The following ELOVL5 variants were observed in gnomAD, a reference collection of about 807,000 sequenced individuals.
ELOVL5 encodes very long chain fatty acid elongase 5.
A neutral mutation model predicts 38.6 loss-of-function variants in ELOVL5; 8 were observed. That is an observed-to-expected ratio of 0.21 (90% CI 0.12 to 0.37). The LOEUF is 0.37. Ranked by LOEUF, ELOVL5 falls within the 10% of genes least tolerant of loss-of-function variation. ELOVL5 has a pLI of 1.00. For missense variants in ELOVL5, 280 were observed against 367.8 expected (o/e 0.76, Z 1.95); for synonymous variants, 127 against 133.7 (o/e 0.95, Z 0.34).
chr6:53,285,705 C>G (rs1450501233), intron 3 of ELOVL5, among the ~76,000 whole-genome samples: 1 of 152,180 alleles, frequency 6.6e-6, no homozygotes, highest in African/African-American at 2.4e-5. Context: ...AGCTCCTGGG[C>G]ACAAGCCATC....
intron 3 of ELOVL5, among the ~76,000 whole-genome samples, chr6:53,288,256 G>T (rs144526890): frequency 6.6e-6 from 1 of 152,248 alleles, no homozygotes; most frequent in East Asian, 1.9e-4. Context: ...CAAAAAATCA[G>T]GCTTCTCTTC....
intron 1 of ELOVL5, among the ~76,000 whole-genome samples, chr6:53,340,094 A>G (rs1769264241): frequency 6.6e-6 from 1 of 152,224 alleles, no homozygotes; most frequent in Non-Finnish European, 1.5e-5. Context: ...TAAGGATACG[A>G]AGAAATAAAA....
intron 1 of ELOVL5, among the ~76,000 whole-genome samples, chr6:53,329,468 A>T (rs1333152469): frequency 6.6e-6 from 1 of 152,168 alleles, no homozygotes; most frequent in African/African-American, 2.4e-5. Context: ...TTAATAGCGC[A>T]AATCTTATCT....
intron 1 of ELOVL5, among the ~76,000 whole-genome samples, chr6:53,299,563 T>C (rs1767163130): frequency 6.6e-6 from 1 of 152,132 alleles, no homozygotes; most frequent in African/African-American, 2.4e-5. Flanking sequence ...GAAAAGCAGC[T>C]TGATTAAACA....
chr6:53,286,965 T>TAAAC (rs927954242), intron 3 of ELOVL5, among the ~76,000 whole-genome samples: 45 of 152,316 alleles, frequency 3.0e-4, no homozygotes, highest in African/African-American at 1.0e-3. Flanking sequence ...TTTTCTTATT[T>TAAAC]AAACAAACAA....
intron 7 of ELOVL5, 151 bp from the exon 8 acceptor site, chr6:53,269,421 T>G: frequency 1.2e-5 from 6 of 512,634 alleles, no homozygotes; most frequent in African/African-American, 2.0e-5. Context: ...ATTGACTAAA[T>G]CTTTTGTCAC....
At chr6:53,297,015 A>G (rs34659229) in intron 1 of ELOVL5, among the ~76,000 whole-genome samples, 2 of 152,228 alleles carry the variant, frequency 1.3e-5, no homozygotes, top group Non-Finnish European at 2.9e-5. Flanking sequence ...GATGGGACGT[A>G]GAGATAGGAG....
intron 1 of ELOVL5, among the ~76,000 whole-genome samples, chr6:53,323,736 C>T (rs780029806): frequency 2.2e-4 from 34 of 152,038 alleles, no homozygotes; most frequent in Non-Finnish European, 4.7e-4. Context: ...GTGCCCATCA[C>T]CACACCTGGT....
intron 1 of ELOVL5, among the ~76,000 whole-genome samples, chr6:53,319,747 T>C (rs1768220899): frequency 6.6e-6 from 1 of 152,238 alleles, no homozygotes; most frequent in African/African-American, 2.4e-5. Context: ...CACTGCACTG[T>C]GCTGGTTCGG....
intron 3 of ELOVL5, among the ~76,000 whole-genome samples, chr6:53,291,192 T>A (rs13206121): frequency 0.06 from 9,156 of 152,292 alleles, 320 homozygotes; most frequent in Middle Eastern, 0.12. Context: ...AAATGTGATT[T>A]TCAACATTGC....
rs566175883 is a variant in ELOVL5, at chr6:53,325,502, G to C, written c.-9+23315C>G. 2.0e-5 allele frequency among the ~76,000 whole-genome samples: 3 copies of C among 152,336 alleles called. No individual in the cohort carries two copies. In the East Asian group the frequency reaches 5.8e-4, roughly 29 times the overall value. On this transcript the variant is annotated intron_variant, in intron 1 of 7. Transcript: ENST00000304434. ...ACTCTTCTGGATGCAGTGAGCCTGA[G>C]AGAGTTTCTGAATGACCGAAGCAAC...
intron 2 of ELOVL5, chr6:53,294,338 G>C: frequency 6.3e-7 from 1 of 1,576,534 alleles, no homozygotes; most frequent in South Asian, 1.2e-5. Context: ...GATGACAGCT[G>C]GCAAAGAGCT....
chr6:53,296,583 A>T (rs1435168937), intron 1 of ELOVL5, among the ~76,000 whole-genome samples: 5 of 152,152 alleles, frequency 3.3e-5, no homozygotes, highest in African/African-American at 1.2e-4. Context: ...AAAAAAAACT[A>T]AAAAAACACT....
At chr6:53,306,583 A>G (rs1269147091) in intron 1 of ELOVL5, among the ~76,000 whole-genome samples, 4 of 152,096 alleles carry the variant, frequency 2.6e-5, no homozygotes, top group Admixed American at 6.5e-5. Flanking sequence ...TTCTAGGGGA[A>G]TTCTTATTCA....
intron 3 of ELOVL5, among the ~76,000 whole-genome samples, chr6:53,286,610 C>T (rs1766580291): frequency 6.6e-6 from 1 of 151,966 alleles, no homozygotes; most frequent in East Asian, 1.9e-4. Flanking sequence ...ACATATCCAT[C>T]CAAAGAAACA....
chr6:53,302,304 C>G (rs1425627734), intron 1 of ELOVL5, among the ~76,000 whole-genome samples: 2 of 152,186 alleles, frequency 1.3e-5, no homozygotes, highest in East Asian at 3.8e-4. Flanking sequence ...AACTAATAAT[C>G]AAACTAGTTG....
At chr6:53,314,721 T>C (rs534204864) in intron 1 of ELOVL5, among the ~76,000 whole-genome samples, 33 of 151,674 alleles carry the variant, frequency 2.2e-4, no homozygotes, top group African/African-American at 7.0e-4. Flanking sequence ...AAAAATAAAA[T>C]TAAAAAGAAA....
chr6:53,334,699 A>G (rs924453750), intron 1 of ELOVL5, among the ~76,000 whole-genome samples: 18 of 152,130 alleles, frequency 1.2e-4, no homozygotes, highest in African/African-American at 4.3e-4. Context: ...CCACCTACAG[A>G]TGGTGGTCCT....
intron 4 of ELOVL5, 134 bp downstream of exon 4, chr6:53,276,045 C>T: frequency 4.9e-6 from 3 of 615,050 alleles, no homozygotes; most frequent in Admixed American, 3.1e-5. Flanking sequence ...GTATATATTG[C>T]CTTTTTTATT....
Sources: gnomAD v4.1 joint callset for allele counts (sites outside exome capture counted in the v4.1 genomes callset) on GRCh38, gnomAD v4.1.1 for gene constraint, MANE v1.5 for transcripts, NCBI Gene and HGNC (gene_info 2026-07-23, HGNC 2026-07-21) for gene names.